ILRUN: variants seen among roughly 807,000 people sequenced by gnomAD.
ILRUN encodes the protein protein ILRUN.
ILRUN carries 3 observed loss-of-function variants against 33.8 expected under a neutral mutation model. The ratio of observed to expected loss-of-function variants is 0.09; its 90% CI spans 0.04 to 0.23. The LOEUF (loss-of-function observed/expected upper bound fraction) is 0.23. Among genes scored for constraint, ILRUN ranks in the 10% least tolerant of loss-of-function variants. The pLI is 1.00. For missense variants in ILRUN, 210 were observed against 375.1 expected (o/e 0.56, Z 3.64); for synonymous variants, 124 against 138.9 (o/e 0.89, Z 0.75).
At chr6:34,614,232 CT>C (rs1302156165) in intron 3 of ILRUN, among the ~76,000 whole-genome samples, 3 of 151,700 alleles carry the variant, frequency 2.0e-5, no homozygotes, top group African/African-American at 7.3e-5. Context: ...ACCATCCTGG[CT>C]AAAACGGTGA....
intron 3 of ILRUN, among the ~76,000 whole-genome samples, chr6:34,614,364 G>A (rs572040230): frequency 4.0e-5 from 6 of 150,790 alleles, no homozygotes; most frequent in African/African-American, 1.5e-4. Context: ...AGAGCTTGTA[G>A]TGAGCAGAGG....
At chr6:34,678,616 G>A (rs1763288781) in intron 1 of ILRUN, among the ~76,000 whole-genome samples, 1 of 151,748 alleles carries the variant, frequency 6.6e-6, no homozygotes, top group South Asian at 2.1e-4. Flanking sequence ...GGGAGGCCGA[G>A]GCAGGTGGAT....
chr6:34,613,897 G>C (rs950477572), intron 3 of ILRUN, among the ~76,000 whole-genome samples: 2 of 152,130 alleles, frequency 1.3e-5, no homozygotes, highest in South Asian at 4.1e-4. Flanking sequence ...AAAAGTACAA[G>C]AGCTCCTTGG....
At chr6:34,658,835 G>A (rs1415944789) in intron 1 of ILRUN, among the ~76,000 whole-genome samples, 1 of 152,146 alleles carries the variant, frequency 6.6e-6, no homozygotes, top group African/African-American at 2.4e-5. Flanking sequence ...GATCTTTAGA[G>A]TCAGCTCCAA....
At chr6:34,678,675 A>AT (rs750736999) in intron 1 of ILRUN, among the ~76,000 whole-genome samples, 4 of 151,486 alleles carry the variant, frequency 2.6e-5, no homozygotes, top group Admixed American at 6.6e-5. Context: ...GTGAAACCCC[A>AT]TCTCTACTAA....
At chr6:34,667,545 AG>A (rs898603710) in intron 1 of ILRUN, among the ~76,000 whole-genome samples, 2 of 152,226 alleles carry the variant, frequency 1.3e-5, no homozygotes, top group African/African-American at 4.8e-5. Context: ...TTGGGAAAAC[AG>A]GGTAGTCCCA....
intron 3 of ILRUN, among the ~76,000 whole-genome samples, chr6:34,625,786 G>A (rs2127344920): frequency 1.3e-5 from 2 of 151,122 alleles, no homozygotes; most frequent in South Asian, 4.2e-4. Context: ...AGTCCTTCCA[G>A]CCTATCCTAC....
chr6:34,603,041 T>C (rs1309662067), intron 4 of ILRUN, among the ~76,000 whole-genome samples: 1 of 152,186 alleles, frequency 6.6e-6, no homozygotes, highest in African/African-American at 2.4e-5. Context: ...AAACTGTAAC[T>C]ATGGAGGCAG....
At chr6:34,669,393 C>T (rs867495425) in intron 1 of ILRUN, among the ~76,000 whole-genome samples, 10 of 150,856 alleles carry the variant, frequency 6.6e-5, no homozygotes, top group South Asian at 4.2e-4. Flanking sequence ...CCTCCCAAAG[C>T]GCTGGGATTA....
At chr6:34,618,484 A>T (rs1761944797) in intron 3 of ILRUN, among the ~76,000 whole-genome samples, 1 of 152,086 alleles carries the variant, frequency 6.6e-6, no homozygotes, top group Non-Finnish European at 1.5e-5. Flanking sequence ...TCCAGAACTG[A>T]CCCCTGTCCT....
chr6:34,634,136 C>G (rs9469829), intron 3 of ILRUN, among the ~76,000 whole-genome samples: 2 of 151,998 alleles, frequency 1.3e-5, no homozygotes, highest in African/African-American at 4.8e-5. Flanking sequence ...AAAAAAGAAA[C>G]TAACATTGAA....
At chr6:34,633,905 G>GAGGC (rs1470339238) in intron 3 of ILRUN, among the ~76,000 whole-genome samples, 2 of 116,862 alleles carry the variant, frequency 1.7e-5, no homozygotes, top group Non-Finnish European at 3.6e-5. Flanking sequence ...GGGAGGGAGG[G>GAGGC]AGGGAGGGAG....
At position 34,644,603 on chromosome 6, in the gene ILRUN, G is replaced by T. The variant is rs573891589; in HGVS notation, c.511+1998C>A. Among the ~76,000 whole-genome samples the T allele has an allele frequency of 2.6e-5, 4 of 152,222 alleles. No individual in the cohort carries two copies. In the South Asian group the frequency reaches 8.3e-4, roughly 32 times the overall value. ...AAATAACCTCTCTACATTTTGATAC[G>T]TGATTATTCAATTATTCAACAAATT... On this transcript the variant is annotated intron_variant, in intron 3 of 4. Coordinates refer to ENST00000374023, the MANE Select transcript of ILRUN (RefSeq NM_024294.4).
intron 3 of ILRUN, among the ~76,000 whole-genome samples, chr6:34,644,679 C>G (rs900408440): frequency 2.0e-5 from 3 of 151,740 alleles, no homozygotes; most frequent in Non-Finnish European, 4.4e-5. Flanking sequence ...ACCTAATATA[C>G]AATGTGTTAA....
At chr6:34,595,385 T>A (rs1761379962) in intron 4 of ILRUN, among the ~76,000 whole-genome samples, 1 of 152,206 alleles carries the variant, frequency 6.6e-6, no homozygotes, top group African/African-American at 2.4e-5. Flanking sequence ...AAACAGGCAA[T>A]CATTCCATTT....
intron 1 of ILRUN, among the ~76,000 whole-genome samples, chr6:34,680,347 C>T (rs1485517462): frequency 6.6e-6 from 1 of 152,186 alleles, no homozygotes; most frequent in Admixed American, 6.5e-5. Context: ...TTAGAATATA[C>T]ATATAACAAA....
intron 3 of ILRUN, among the ~76,000 whole-genome samples, chr6:34,638,899 G>A (rs1057144758): frequency 1.3e-5 from 2 of 152,146 alleles, no homozygotes; most frequent in Non-Finnish European, 2.9e-5. Flanking sequence ...AAAAGGGCAA[G>A]ATAACTGGGA....
intron 1 of ILRUN, among the ~76,000 whole-genome samples, chr6:34,670,776 A>G (rs1483251989): frequency 6.6e-6 from 1 of 150,798 alleles, no homozygotes; most frequent in Non-Finnish European, 1.5e-5. Context: ...GAATCACTTG[A>G]ACCCGGGAGG....
intron 4 of ILRUN, among the ~76,000 whole-genome samples, chr6:34,604,950 C>T (rs1363303913): frequency 6.6e-6 from 1 of 152,140 alleles, no homozygotes; most frequent in Admixed American, 6.5e-5. Context: ...CCTACTAGAC[C>T]ATGTGAAAGA....
Sources: allele counts gnomAD v4.1 joint callset (sites outside exome capture counted in the v4.1 genomes callset), GRCh38; gene constraint gnomAD v4.1.1; transcripts MANE v1.5; gene names NCBI Gene and HGNC (gene_info 2026-07-23, HGNC 2026-07-21).